ZW10: variants seen among roughly 807,000 people sequenced by gnomAD.
ZW10 encodes zw10 kinetochore protein.
ZW10 carries 53 observed loss-of-function variants against 87.8 expected under a neutral mutation model. That is an observed-to-expected ratio of 0.60 (90% confidence interval 0.48 to 0.76). The LOEUF (loss-of-function observed/expected upper bound fraction) is 0.76, where lower values mean the gene tolerates loss of function less well. Ranked by LOEUF, ZW10 falls within the 30% of genes least tolerant of loss-of-function variation. ZW10 has a pLI of 0.00. For synonymous variants in ZW10, 312 were observed against 329.2 expected, an observed-to-expected ratio of 0.95 and a Z score of 0.57; for missense variants, 837 against 923.0, an observed-to-expected ratio of 0.91 and a Z score of 1.21.
At chr11:113,743,731 C>T (rs1953649113) in intron 10 of ZW10, 71 bp downstream of exon 10, 10 of 1,180,140 alleles carry the variant, frequency 8.5e-6, no homozygotes, top group Non-Finnish European at 8.6e-6. Flanking sequence ...AGCTAATTTT[C>T]CTGATAAACA....
chr11:113,746,495 C>CAAAAAAAAAAAAAAAAAAACAAAA (rs1953677667), intron 9 of ZW10, among the ~76,000 whole-genome samples: 1 of 105,342 alleles, frequency 9.5e-6, no homozygotes, highest in African/African-American at 3.9e-5. Context: ...ACAAAACAGT[C>CAAAAAAAAAAAAAAAAAAACAAAA]AAAAAAAAAA....
At chr11:113,741,999 G>C (rs991707314) in intron 10 of ZW10, among the ~76,000 whole-genome samples, 3 of 152,194 alleles carry the variant, frequency 2.0e-5, no homozygotes, top group Admixed American at 6.5e-5. Context: ...ATTGTAAGAA[G>C]AGCCGCATTC....
At chr11:113,770,854 T>C (rs749060236) in intron 1 of ZW10, among the ~76,000 whole-genome samples, 35 of 149,548 alleles carry the variant, frequency 2.3e-4, no homozygotes, top group Non-Finnish European at 4.9e-4. Flanking sequence ...GAAATGATGC[T>C]GCACTCTGTG....
At chr11:113,758,781 T>C (rs1953827295) in intron 5 of ZW10, 75 bp from the exon 6 acceptor site, 2 of 1,393,814 alleles carry the variant, frequency 1.4e-6, no homozygotes, top group Admixed American at 1.8e-5. Context: ...CAGAGCTCAT[T>C]CTCTGATATT....
chr11:113,755,505 G>A (rs116865164), intron 7 of ZW10, among the ~76,000 whole-genome samples: 1,541 of 152,328 alleles, frequency 0.01, 7 homozygotes, highest in Admixed American at 0.018. Context: ...AACAAAGAAA[G>A]TGGTTTCTTG....
chr11:113,738,376 G>T lies in ZW10; in HGVS notation c.1772C>A (p.Ala591Asp). The T allele has an allele frequency of 1.2e-6, 2 of 1,611,416 alleles. No individual in the cohort carries two copies. Among genetic ancestry groups the T allele is most frequent in the Non-Finnish European group, 1.7e-6 (2 of 1,179,146 alleles). ...TTCACCTTTCTGTGCCCGCATTTGG[G>T]CCAAAAAGCATTCTGTCCCTATGAT... is the stretch of plus-strand genomic sequence containing the variant. ...FRRLGTECFL[A>D]QMRAQKGELL... Residue 591 changes from alanine to aspartate, a missense_variant, in exon 13 of 16, where the codon GCC (alanine) becomes GAC (aspartate). Transcript: ENST00000200135.
At chr11:113,766,962 A>G (rs1241330427) in intron 2 of ZW10, among the ~76,000 whole-genome samples, 8 of 152,084 alleles carry the variant, frequency 5.3e-5, no homozygotes, top group African/African-American at 1.9e-4. Context: ...GGTTGTGGTG[A>G]GCCTAGATCG....
chr11:113,742,434 C>T (rs1173716285), intron 10 of ZW10, among the ~76,000 whole-genome samples: 2 of 152,230 alleles, frequency 1.3e-5, no homozygotes, highest in Non-Finnish European at 2.9e-5. Flanking sequence ...ATAAGTCATA[C>T]CCAAAAACCC....
chr11:113,733,995 A>G (rs949847906), intron 15 of ZW10, among the ~76,000 whole-genome samples, 181 bp from the exon 16 acceptor site: 2 of 152,194 alleles, frequency 1.3e-5, no homozygotes, highest in Admixed American at 1.3e-4. Flanking sequence ...TTGCTCACCC[A>G]CTACAACTGG....
At chr11:113,759,752 C>A (rs1953837019) in intron 5 of ZW10, among the ~76,000 whole-genome samples, 1 of 152,174 alleles carries the variant, frequency 6.6e-6, no homozygotes, top group Admixed American at 6.5e-5. Flanking sequence ...CAAGACCCCT[C>A]CTCTACCCAC....
intron 7 of ZW10, among the ~76,000 whole-genome samples, chr11:113,753,220 A>G (rs1413946297): frequency 2.0e-5 from 3 of 151,892 alleles, no homozygotes; most frequent in Non-Finnish European, 4.4e-5. Context: ...GTTGTCCCCA[A>G]TATGTGTCAT....
At chr11:113,760,622 CTAT>C (rs767090961) in intron 3 of ZW10, 32 bp from the exon 4 acceptor site, 1 of 1,522,146 alleles carries the variant, frequency 6.6e-7, no homozygotes, top group South Asian at 1.2e-5. Flanking sequence ...TTTATACATC[CTAT>C]TATTTCAAGT....
chr11:113,737,022 C>A (rs1023996599), intron 14 of ZW10, among the ~76,000 whole-genome samples, 200 bp from the exon 15 acceptor site: 1 of 152,212 alleles, frequency 6.6e-6, no homozygotes, highest in Non-Finnish European at 1.5e-5. Flanking sequence ...TATGTTTCAA[C>A]AGATTGTCAG....
intron 15 of ZW10, among the ~76,000 whole-genome samples, chr11:113,734,485 T>C (rs916055348): frequency 6.6e-6 from 1 of 151,934 alleles, no homozygotes; most frequent in Non-Finnish European, 1.5e-5. Flanking sequence ...ATGGTGAAAA[T>C]GAACTGCAGC....
intron 11 of ZW10, among the ~76,000 whole-genome samples, chr11:113,740,021 T>C (rs2885988): frequency 1 from 151,768 of 152,306 alleles, 75,617 homozygotes; most frequent in Middle Eastern, 1. Context: ...GGGAAGAAAT[T>C]TTGTCTTATA....
chr11:113,738,267 C>A lies in ZW10; in HGVS notation c.1881G>T (p.Arg627=). ...AGTGCTAGCAAGAGCCTCCTACCTG[C>A]CGGACTGCTTTACTTGCTGCAGAAT... The part of the protein sequence containing the change: ...ENYSAASKAV[R]QVLHQLKRLG... Residue 627 remains arginine, a synonymous_variant, in exon 13 of 16, where the codon CGG becomes CGT. Coordinates refer to ENST00000200135, the MANE Select transcript of ZW10 (RefSeq NM_004724.4). The A allele has an allele frequency of 6.2e-7, 1 of 1,605,804 alleles. No homozygotes were observed. The highest frequency in any genetic ancestry group is 1.1e-5 in the South Asian group (1 of 89,326).
chr11:113,766,808 G>A (rs888326766), intron 2 of ZW10, among the ~76,000 whole-genome samples: 3 of 149,760 alleles, frequency 2.0e-5, no homozygotes, highest in African/African-American at 7.4e-5. Flanking sequence ...CTTGAGGCCA[G>A]GAGTTTGAGA....
intron 3 of ZW10, 106 bp from the exon 4 acceptor site, chr11:113,760,696 A>G (rs1482463251): frequency 8.4e-7 from 1 of 1,191,624 alleles, no homozygotes; most frequent in East Asian, 2.5e-5. Context: ...CCCTCTAAAA[A>G]AAAAAAAAGA....
chr11:113,736,222 G>T (rs1368107084), intron 15 of ZW10, among the ~76,000 whole-genome samples: 3 of 151,734 alleles, frequency 2.0e-5, no homozygotes, highest in African/African-American at 7.3e-5. Flanking sequence ...CTGCAGTGAG[G>T]AATGATTGAG....
Sources: allele counts gnomAD v4.1 joint callset (sites outside exome capture counted in the v4.1 genomes callset), GRCh38; gene constraint gnomAD v4.1.1; transcripts MANE v1.5; gene names NCBI Gene and HGNC (gene_info 2026-07-23, HGNC 2026-07-21).